Variants in CCL20 observed in about 807,000 individuals in gnomAD.
CCL20 encodes the protein C-C motif chemokine ligand 20, also known as C-C motif chemokine 20.
Under a neutral mutation model 10.8 loss-of-function variants are expected in CCL20, and 8 were observed. That is an observed-to-expected ratio of 0.74 (90% CI 0.44 to 1.34). CCL20 has a LOEUF of 1.34. Ranked by LOEUF, CCL20 falls within the 40% of genes most tolerant of loss-of-function variation. The pLI is 0.01. For synonymous variants in CCL20, 40 were observed against 39.4 expected, an observed-to-expected ratio of 1.02 and a Z score of -0.06; for missense variants, 107 against 117.9, an observed-to-expected ratio of 0.91 and a Z score of 0.43.
intron 1 of CCL20, 105 bp from the exon 2 acceptor site, chr2:227,815,349 T>A: frequency 1.6e-6 from 1 of 639,504 alleles, no homozygotes; most frequent in Non-Finnish European, 2.8e-6. Context: ...GTCATATACA[T>A]GAGATTCACT....
chr2:227,817,313 T>C lies in CCL20; in HGVS notation c.*230T>C, dbSNP rs1330094109. ...TTATGTTATTTATAGCTGTAGGTTT[T>C]CTGTGTTTAGCTATTTAATACTAAT... On this transcript the variant is annotated 3_prime_UTR_variant, in exon 4 of 4. Coordinates refer to ENST00000358813, the MANE Select transcript of CCL20 (RefSeq NM_004591.3). 2 of 332,564 alleles carry C rather than the reference T, an allele frequency of 6.0e-6. No individual in the cohort carries two copies. The highest frequency in any genetic ancestry group is 4.3e-5 in the African/African-American group (2 of 47,040). 20.6% of individuals were successfully genotyped at this position (332,564 alleles called of 1,614,324 possible).
chr2:227,816,062 T>C lies in CCL20; in HGVS notation c.192-245T>C. 6.5e-6 allele frequency: 3 copies of C among 460,926 alleles called. 1 individual carries two copies. In the South Asian group the frequency reaches 9.5e-5, roughly 15 times the overall value. 28.6% of individuals were successfully genotyped at this position (460,926 alleles called of 1,614,324 possible). ...TATGTAACCACCAATAGCAAAATTA[T>C]ATGACAATTCTGGGACTTTATCTTC... On this transcript the variant is annotated intron_variant, in intron 2 of 3. Coordinates refer to ENST00000358813, the MANE Select transcript of CCL20 (RefSeq NM_004591.3).
chr2:227,817,175 G>A lies in CCL20; in HGVS notation c.*92G>A, dbSNP rs1422343884. The A allele has an allele frequency of 1.1e-6, 1 of 900,920 alleles. No individual in the cohort carries two copies. The highest frequency in any genetic ancestry group is 1.7e-5 in the African/African-American group (1 of 60,320). 55.8% of individuals were successfully genotyped at this position (900,920 alleles called of 1,614,324 possible). ...GAGGTTTCACTTGCACATCATGGAG[G>A]GTTTAGTGCTTATCTAATTTGTGCC... On this transcript the variant is annotated 3_prime_UTR_variant, in exon 4 of 4. Transcript: ENST00000358813.
In CCL20 at chr2:227,813,892, T is replaced by C; in HGVS notation, c.-20T>C. The C allele has an allele frequency of 6.2e-7, 1 of 1,604,232 alleles. No homozygotes were observed. The highest frequency in any genetic ancestry group is 1.7e-5 in the Admixed American group (1 of 60,022). ...CTGGGTACTCAACACTGAGCAGATCTGTTCTTTGAGCTAAAAACCATGTGC... is the reference window on the plus strand; with the variant it reads ...CTGGGTACTCAACACTGAGCAGATCCGTTCTTTGAGCTAAAAACCATGTGC... On this transcript the variant is annotated 5_prime_UTR_variant, in exon 1 of 4. Coordinates refer to ENST00000358813, the MANE Select transcript of CCL20 (RefSeq NM_004591.3).
Position 227,817,406 on chromosome 2 carries a change from G to C in CCL20, c.*323G>C, listed in dbSNP as rs898513179. On this transcript the variant is annotated 3_prime_UTR_variant, in exon 4 of 4. Coordinates refer to ENST00000358813, the MANE Select transcript of CCL20 (RefSeq NM_004591.3). ...ATTTGGGGGGGAATAAGATTATATG[G>C]ACTTTCTTGCAAGCAACAAGCTATT... The C allele has an allele frequency of 1.1e-5, 2 of 188,174 alleles. No homozygotes were observed. Among genetic ancestry groups the C allele is most frequent in the Non-Finnish European group, 2.2e-5 (2 of 92,198 alleles). 11.7% of individuals were successfully genotyped at this position (188,174 alleles called of 1,614,324 possible).
intron 1 of CCL20, 97 bp downstream of exon 1, chr2:227,814,084 GT>G: frequency 9.7e-7 from 1 of 1,026,490 alleles, no homozygotes; most frequent in Non-Finnish European, 1.5e-6. Flanking sequence ...ATGGAAAACT[GT>G]TAGGAAGTAT....
At chr2:227,814,251 G>A (rs1169377933) in intron 1 of CCL20, among the ~76,000 whole-genome samples, 1 of 152,132 alleles carries the variant, frequency 6.6e-6, no homozygotes, top group Non-Finnish European at 1.5e-5. Flanking sequence ...AAGCCAAAGT[G>A]ATGTTTCTGG....
At chr2:227,815,152 A>G (rs1690005534) in intron 1 of CCL20, among the ~76,000 whole-genome samples, 1 of 152,180 alleles carries the variant, frequency 6.6e-6, no homozygotes, top group Non-Finnish European at 1.5e-5. Flanking sequence ...AATATTGTCA[A>G]TTTGTATTTC....
At chr2:227,816,789 A>G (rs1413928844) in intron 3 of CCL20, among the ~76,000 whole-genome samples, 1 of 152,254 alleles carries the variant, frequency 6.6e-6, no homozygotes, top group African/African-American at 2.4e-5. Flanking sequence ...CACTTTATCA[A>G]TGGACAGAAG....
At chr2:227,815,050 C>T (rs1392086830) in intron 1 of CCL20, among the ~76,000 whole-genome samples, 1 of 152,136 alleles carries the variant, frequency 6.6e-6, no homozygotes, top group Non-Finnish European at 1.5e-5. Context: ...TATTCATTTT[C>T]TGCTTTTGGA....
chr2:227,816,220 A>G (rs948438678), intron 2 of CCL20, 87 bp from the exon 3 acceptor site: 8 of 720,176 alleles, frequency 1.1e-5, no homozygotes, highest in African/African-American at 9.0e-5. Context: ...TGTGTAATCA[A>G]CTGGAATATA....
At chr2:227,814,974 T>A (rs982218804) in intron 1 of CCL20, among the ~76,000 whole-genome samples, 4 of 152,280 alleles carry the variant, frequency 2.6e-5, no homozygotes, top group East Asian at 1.9e-4. Flanking sequence ...CTATAAATCA[T>A]ATTTCCCTTT....
chr2:227,814,064 T>C, intron 1 of CCL20, 77 bp downstream of exon 1: 1 of 1,255,112 alleles, frequency 8.0e-7, no homozygotes, highest in Non-Finnish European at 1.2e-6. Context: ...CAACTGGGGG[T>C]CCCTAAGGGA....
intron 1 of CCL20, 135 bp downstream of exon 1, chr2:227,814,122 GC>G: frequency 1.3e-6 from 1 of 750,748 alleles, no homozygotes. Context: ...GAAGTTGTCT[GC>G]CCATGGTGGA....
At chr2:227,814,124 C>T in intron 1 of CCL20, 137 bp downstream of exon 1, 1 of 747,788 alleles carries the variant, frequency 1.3e-6, no homozygotes, top group Non-Finnish European at 2.3e-6. Context: ...AGTTGTCTGC[C>T]CATGGTGGAG....
At chr2:227,814,345 C>A (rs1031130438) in intron 1 of CCL20, among the ~76,000 whole-genome samples, 3 of 152,110 alleles carry the variant, frequency 2.0e-5, no homozygotes, top group Admixed American at 6.6e-5. Flanking sequence ...AACTTTCGTA[C>A]CTCCCAACTT....
intron 2 of CCL20, 156 bp downstream of exon 2, chr2:227,815,724 G>A (rs1690015023): frequency 1.7e-6 from 1 of 583,046 alleles, no homozygotes; most frequent in Non-Finnish European, 3.0e-6. Flanking sequence ...GGCAAAGATA[G>A]CTTTGTCTTA....
At position 227,817,217 on chromosome 2, in the gene CCL20, A is replaced by G. The variant is rs921844227; in HGVS notation, c.*134A>G. 2.5e-5 allele frequency: 15 copies of G among 608,184 alleles called. No individual in the cohort carries two copies. The highest frequency in any genetic ancestry group is 1.8e-4 in the South Asian group (7 of 38,648). 37.7% of individuals were successfully genotyped at this position (608,184 alleles called of 1,614,324 possible). ...ATTTGTGCCTCACTGGACTTGTCCA[A>G]TTAATGAAGTTGATTCATATTGCAT... On this transcript the variant is annotated 3_prime_UTR_variant, in exon 4 of 4. Transcript: ENST00000358813.
chr2:227,814,118 G>A (rs1280097848), intron 1 of CCL20, 131 bp downstream of exon 1: 1 of 774,224 alleles, frequency 1.3e-6, no homozygotes, highest in Non-Finnish European at 2.2e-6. Flanking sequence ...GATGGAAGTT[G>A]TCTGCCCATG....
Sources: gnomAD v4.1 joint callset for allele counts (sites outside exome capture counted in the v4.1 genomes callset) on GRCh38, gnomAD v4.1.1 for gene constraint, MANE v1.5 for transcripts, NCBI Gene and HGNC (gene_info 2026-07-23, HGNC 2026-07-21) for gene names.